ATP13A4: variants seen among roughly 807,000 people sequenced by gnomAD.
The protein encoded by ATP13A4 is ATPase 13A4.
Under a neutral mutation model 142.5 loss-of-function variants are expected in ATP13A4, and 114 were observed. The ratio of observed to expected loss-of-function variants is 0.80; its 90% CI spans 0.69 to 0.93. The LOEUF (loss-of-function observed/expected upper bound fraction) is 0.93. Among genes scored for constraint, ATP13A4 ranks in the 40% least tolerant of loss-of-function variants. The pLI is 0.00. For missense variants in ATP13A4, 1,392 were observed against 1,454.0 expected (o/e 0.96, Z 0.69); for synonymous variants, 488 against 514.8 (o/e 0.95, Z 0.70).
At chr3:193,419,224 G>C (rs551733613) in intron 25 of ATP13A4, among the ~76,000 whole-genome samples, 3 of 150,146 alleles carry the variant, frequency 2.0e-5, no homozygotes, top group African/African-American at 7.3e-5. Flanking sequence ...CCTGTGCACT[G>C]CCTCTGGTAA....
intron 7 of ATP13A4, among the ~76,000 whole-genome samples, chr3:193,489,255 A>AT (rs575243472): frequency 1.6e-3 from 239 of 150,604 alleles, no homozygotes; most frequent in Middle Eastern, 0.01. Flanking sequence ...GTTCTATGTA[A>AT]TTTTTTTTTT....
rs978144597 is a variant in ATP13A4 at position 193,438,667 on chromosome 3, T to C, written c.2563-83A>G. On this transcript the variant is annotated intron_variant, in intron 22 of 29. Transcript: ENST00000342695. ...CCTCATAAGAAAAGGCCAGTTAAGC[T>C]GGCCACAAGGTGGTTTGTGTGCCCA... is the stretch of plus-strand genomic sequence containing the variant. 52 of 1,213,694 alleles carry C rather than the reference T, an allele frequency of 4.3e-5. No individual in the cohort carries two copies. In the South Asian group the frequency reaches 4.7e-4, roughly 11 times the overall value. 75.2% of individuals were successfully genotyped at this position (1,213,694 alleles called of 1,614,324 possible).
At chr3:193,412,594 C>T (rs981933429) in intron 26 of ATP13A4, among the ~76,000 whole-genome samples, 2 of 151,238 alleles carry the variant, frequency 1.3e-5, no homozygotes, top group South Asian at 2.1e-4. Context: ...CAGATAGACC[C>T]GTATTTTGGA....
chr3:193,437,868 G>T (rs1244179456), intron 23 of ATP13A4, among the ~76,000 whole-genome samples: 4 of 116,686 alleles, frequency 3.4e-5, no homozygotes, highest in African/African-American at 1.0e-4. Context: ...GACTTGCTCT[G>T]TTGCCCAGGC....
intron 2 of ATP13A4, among the ~76,000 whole-genome samples, chr3:193,576,515 C>T (rs567016775): frequency 2.6e-5 from 4 of 151,828 alleles, no homozygotes; most frequent in Admixed American, 2.6e-4. Flanking sequence ...TCATGATCCA[C>T]CCGCCTCGGC....
At chr3:193,493,958 G>T (rs543555950) in intron 3 of ATP13A4, among the ~76,000 whole-genome samples, 1 of 152,106 alleles carries the variant, frequency 6.6e-6, no homozygotes, top group East Asian at 1.9e-4. Context: ...GACATTCCAT[G>T]AAAATGGAAA....
chr3:193,502,392 A>C, intron 3 of ATP13A4, 101 bp downstream of exon 3: 4 of 1,374,466 alleles, frequency 2.9e-6, no homozygotes, highest in Non-Finnish European at 4.1e-6. Context: ...ATACACTATC[A>C]AATGAGGATT....
intron 1 of ATP13A4, among the ~76,000 whole-genome samples, chr3:193,531,317 A>AG (rs1216522503): frequency 1.1e-5 from 1 of 89,054 alleles, no homozygotes; most frequent in East Asian, 4.4e-4. Context: ...GAAGGAAGGA[A>AG]GGAAGGAAGG....
chr3:193,497,085 T>G (rs1354504008), intron 3 of ATP13A4, among the ~76,000 whole-genome samples: 1 of 152,034 alleles, frequency 6.6e-6, no homozygotes, highest in African/African-American at 2.4e-5. Context: ...TACATCAAGC[T>G]AAAAGTTTCT....
chr3:193,404,354 C>G (rs1376992033), intron 29 of ATP13A4, among the ~76,000 whole-genome samples: 1 of 152,152 alleles, frequency 6.6e-6, no homozygotes, highest in Non-Finnish European at 1.5e-5. Flanking sequence ...TGACCTGTAT[C>G]ACCTTGCTGC....
upstream of ATP13A4, among the ~76,000 whole-genome samples, chr3:193,555,633 C>G (rs1002223231): frequency 3.3e-5 from 5 of 152,212 alleles, no homozygotes; most frequent in Non-Finnish European, 5.9e-5. Context: ...ATTCAATAAA[C>G]AGTGCCTGAG....
At chr3:193,438,932 A>G in intron 22 of ATP13A4, 91 bp downstream of exon 22, 2 of 1,319,096 alleles carry the variant, frequency 1.5e-6, no homozygotes, top group Admixed American at 1.7e-5. Flanking sequence ...AATGAATGTG[A>G]GATTATGACT....
intron 2 of ATP13A4, among the ~76,000 whole-genome samples, chr3:193,567,411 A>T (rs1261366226): frequency 1.3e-5 from 2 of 152,216 alleles, no homozygotes; most frequent in Non-Finnish European, 2.9e-5. Context: ...TATTAAAAAT[A>T]TATTTTGCTA....
chr3:193,568,861 T>C (rs1294744226), intron 2 of ATP13A4, among the ~76,000 whole-genome samples: 1 of 152,242 alleles, frequency 6.6e-6, no homozygotes, highest in Non-Finnish European at 1.5e-5. Context: ...AGTATTGTTT[T>C]ATAACCCAAA....
At chr3:193,501,060 A>C (rs1173064821) in intron 3 of ATP13A4, among the ~76,000 whole-genome samples, 2 of 152,156 alleles carry the variant, frequency 1.3e-5, no homozygotes, top group East Asian at 3.8e-4. Flanking sequence ...TTTCCATTTC[A>C]AGACCTCTGC....
At chr3:193,456,608 A>G (rs573194170) in intron 16 of ATP13A4, among the ~76,000 whole-genome samples, 4 of 152,326 alleles carry the variant, frequency 2.6e-5, no homozygotes, top group South Asian at 4.1e-4. Flanking sequence ...GTCACAGTAC[A>G]GAGGGCAAAT....
chr3:193,551,046 G>T (rs1167489704), intron 1 of ATP13A4, among the ~76,000 whole-genome samples: 2 of 152,168 alleles, frequency 1.3e-5, no homozygotes, highest in African/African-American at 4.8e-5. Flanking sequence ...TTTTCCCAAC[G>T]TATGCACAAG....
intron 1 of ATP13A4, among the ~76,000 whole-genome samples, chr3:193,541,141 C>T (rs993555154): frequency 6.7e-5 from 10 of 148,416 alleles, no homozygotes; most frequent in Non-Finnish European, 1.3e-4. Flanking sequence ...CCCAGCTACT[C>T]GGGAGGCTGA....
rs556707589 is a variant in ATP13A4, at chr3:193,419,898, C to T, written c.2843-5148G>A. On this transcript the variant is annotated intron_variant, in intron 25 of 29. Transcript: ENST00000342695. ...TAGCTGTGCCATTTTGGGTTCTTTG[C>T]TGTTGCCGTACCCCAGCTTCACAGA... is the stretch of plus-strand genomic sequence containing the variant. 6.7e-5 allele frequency among the ~76,000 whole-genome samples: 10 copies of T among 150,300 alleles called. No individual in the cohort carries two copies. In the South Asian group the frequency reaches 1.5e-3, roughly 22 times the overall value.
Sources: gnomAD v4.1 joint callset for allele counts (sites outside exome capture counted in the v4.1 genomes callset) on GRCh38, gnomAD v4.1.1 for gene constraint, MANE v1.5 for transcripts, NCBI Gene and HGNC (gene_info 2026-07-23, HGNC 2026-07-21) for gene names.